FAM8A1: variants seen among roughly 807,000 people sequenced by gnomAD.
FAM8A1 encodes protein FAM8A1.
In FAM8A1, 18 loss-of-function variants were observed where a neutral mutation model predicts 38.3. The observed-to-expected ratio is 0.47, with a 90% CI of 0.33 to 0.70. The LOEUF is 0.70. Ranked by LOEUF, FAM8A1 falls within the 30% of genes least tolerant of loss-of-function variation. The pLI is 0.03. For synonymous variants in FAM8A1, 246 were observed against 234.4 expected (o/e 1.05, Z -0.45); for missense variants, 559 against 559.6 (o/e 1.00, Z 0.01).
chr6:17,607,841 A>G (rs1764078709), intron 4 of FAM8A1, among the ~76,000 whole-genome samples: 1 of 152,204 alleles, frequency 6.6e-6, no homozygotes, highest in Admixed American at 6.5e-5. Context: ...AAATGGGACT[A>G]CAGTAAGCAT....
intron 1 of FAM8A1, 140 bp downstream of exon 1, chr6:17,601,261 G>A: frequency 8.4e-7 from 1 of 1,186,726 alleles, no homozygotes; most frequent in Non-Finnish European, 1.1e-6. Context: ...ACTAGCTATC[G>A]TTTGTCCAGG....
chr6:17,600,623 G>A lies in FAM8A1; in HGVS notation c.214G>A (p.Glu72Lys), dbSNP rs939323780. The A allele has an allele frequency of 6.6e-7, 1 of 1,514,326 alleles. No homozygotes were observed. Among genetic ancestry groups the A allele is most frequent in the East Asian group, 2.8e-5 (1 of 36,272 alleles). 93.8% of individuals were successfully genotyped at this position (1,514,326 alleles called of 1,614,324 possible). A position where few individuals can be genotyped will look rare whatever the true frequency, so the allele number is the denominator to read the frequency against. ...AAADKLEPPR[E>K]LRKRGEAASG... is the part of the protein sequence containing the mutation. Reference sequence around the variant, plus strand: ...AGCCGACAAATTGGAGCCGCCGCGCGAGCTCAGGAAGCGCGGGGAGGCGGC... The same window carrying A: ...AGCCGACAAATTGGAGCCGCCGCGCAAGCTCAGGAAGCGCGGGGAGGCGGC... The change falls in exon 1 of 5, where the codon GAG (glutamate) becomes AAG (lysine). Residue 72 changes from glutamate (E) to lysine (K), a missense_variant. Glu to Lys is a moderately conservative substitution (Grantham distance 56). This residue lies in a region of FAM8A1 where 393 missense variants were observed against 338.9 expected (regional missense o/e 1.16). Coordinates refer to ENST00000259963, the MANE Select transcript of FAM8A1 (RefSeq NM_016255.3).
At chr6:17,605,366 C>T (rs1764038860) in intron 3 of FAM8A1, among the ~76,000 whole-genome samples, 1 of 152,214 alleles carries the variant, frequency 6.6e-6, no homozygotes, top group African/African-American at 2.4e-5. Context: ...AGGCATGAGC[C>T]ACTGCACCTA....
At chr6:17,601,183 A>G in intron 1 of FAM8A1, 62 bp downstream of exon 1, 1 of 1,529,168 alleles carries the variant, frequency 6.5e-7, no homozygotes. Context: ...TGTGGGGTAG[A>G]GCTGGCACGC....
rs982619254 is a variant in FAM8A1, at chr6:17,610,752, A to G, written c.*2413A>G. Reference sequence around the variant, plus strand: ...TTGTCTTCATTGTACAAACATATTCATCACTTTAACAATAAGGGAACAAAA... The same window carrying G: ...TTGTCTTCATTGTACAAACATATTCGTCACTTTAACAATAAGGGAACAAAA... On this transcript the variant is annotated 3_prime_UTR_variant, in exon 5 of 5. Coordinates refer to ENST00000259963, the MANE Select transcript of FAM8A1 (RefSeq NM_016255.3). 3.3e-5 allele frequency: 5 copies of G among 152,296 alleles called. No homozygotes were observed. The highest frequency in any genetic ancestry group is 1.2e-4 in the African/African-American group (5 of 41,572). 9.4% of individuals were successfully genotyped at this position (152,296 alleles called of 1,614,324 possible). A position where few individuals can be genotyped will look rare whatever the true frequency, so the allele number is the denominator to read the frequency against.
chr6:17,608,412 C>T lies in FAM8A1; in HGVS notation c.*73C>T. On this transcript the variant is annotated 3_prime_UTR_variant, in exon 5 of 5. Transcript: ENST00000259963. The stretch of plus-strand genomic sequence containing the variant: ...CAAGGCCATCAGTATCCCTGGGTTA[C>T]ACTAATTGATGATTTAGAAATTAAA... 2 of 1,489,496 alleles carry T rather than the reference C, an allele frequency of 1.3e-6. No individual in the cohort carries two copies. The highest frequency in any genetic ancestry group is 1.4e-5 in the South Asian group (1 of 73,516). The allele number at this position is 1,489,496 out of a possible 1,614,324, so 92.3% of individuals were successfully genotyped here.
At position 17,610,871 on chromosome 6, in the gene FAM8A1, C is replaced by T. The variant is rs1764132370; in HGVS notation, c.*2532C>T. Reference sequence around the variant, plus strand: ...GTTAATTTAGGCGTCTAGAAAATCTCAGTTCCCACCAGTAAAATTATCCTG... The same window carrying T: ...GTTAATTTAGGCGTCTAGAAAATCTTAGTTCCCACCAGTAAAATTATCCTG... On this transcript the variant is annotated 3_prime_UTR_variant, in exon 5 of 5. Transcript: ENST00000259963. 6.6e-6 allele frequency: 1 copy of T among 152,068 alleles called. No homozygotes were observed. Among genetic ancestry groups the T allele is most frequent in the South Asian group, 2.1e-4 (1 of 4,826 alleles). 9.4% of individuals were successfully genotyped at this position (152,068 alleles called of 1,614,324 possible).
chr6:17,610,982 T>TAG lies in FAM8A1; in HGVS notation c.*2645_*2646dup, dbSNP rs1196487011. The TAG allele has an allele frequency of 1.3e-5, 2 of 152,156 alleles. No homozygotes were observed. Among genetic ancestry groups the TAG allele is most frequent in the African/African-American group, 4.8e-5 (2 of 41,444 alleles). The allele number at this position is 152,156 out of a possible 1,614,324, so 9.4% of individuals were successfully genotyped here. On this transcript the variant is annotated 3_prime_UTR_variant, in exon 5 of 5. Transcript: ENST00000259963. ...CCAAGAGCTGGGTAAGCCTTACCTTTAGACTACTCTGTGACTACAGAAATA... is the reference window on the plus strand; with the variant it reads ...CCAAGAGCTGGGTAAGCCTTACCTTTAGAGACTACTCTGTGACTACAGAAATA...
chr6:17,605,401 C>T (rs1764039144), intron 3 of FAM8A1, among the ~76,000 whole-genome samples: 1 of 152,166 alleles, frequency 6.6e-6, no homozygotes, highest in Non-Finnish European at 1.5e-5. Flanking sequence ...TTTAGATTAT[C>T]AGCCCAAGAC....
rs1764128686 is a variant in FAM8A1, at chr6:17,610,662, C to T, written c.*2323C>T. The T allele has an allele frequency of 6.6e-6, 1 of 152,080 alleles. No homozygotes were observed. Among genetic ancestry groups the T allele is most frequent in the African/African-American group, 2.4e-5 (1 of 41,434 alleles). 9.4% of individuals were successfully genotyped at this position (152,080 alleles called of 1,614,324 possible). ...CACTTTATTATATTTCACTTATAGA[C>T]CTGATTTTCTGTGTCAAAGTATAAT... On this transcript the variant is annotated 3_prime_UTR_variant, in exon 5 of 5. Coordinates refer to ENST00000259963, the MANE Select transcript of FAM8A1 (RefSeq NM_016255.3).
At chr6:17,604,366 T>C (rs554380691) in intron 2 of FAM8A1, among the ~76,000 whole-genome samples, 2 of 152,308 alleles carry the variant, frequency 1.3e-5, no homozygotes, top group Admixed American at 6.5e-5. Flanking sequence ...CTCTCACATT[T>C]AGTATATGAG....
At position 17,608,495 on chromosome 6, in the gene FAM8A1, G is replaced by A. The variant is rs1363201109; in HGVS notation, c.*156G>A. On this transcript the variant is annotated 3_prime_UTR_variant, in exon 5 of 5. Coordinates refer to ENST00000259963, the MANE Select transcript of FAM8A1 (RefSeq NM_016255.3). ...CTGAAAGTATTGATTATACTTGAATGCCAAAGAACTTGTCCAGAAGAAAAA... is the reference window on the plus strand; with the variant it reads ...CTGAAAGTATTGATTATACTTGAATACCAAAGAACTTGTCCAGAAGAAAAA... The A allele has an allele frequency of 2.8e-5, 20 of 722,064 alleles. No homozygotes were observed. The East Asian group carries it at 5.8e-4, about 21-fold the overall frequency. The allele number at this position is 722,064 out of a possible 1,614,324, so 44.7% of individuals were successfully genotyped here.
Position 17,611,094 on chromosome 6 carries a change from A to ATAGT in FAM8A1, c.*2758_*2761dup, listed in dbSNP as rs1413769782. 6.6e-6 allele frequency: 1 copy of ATAGT among 152,168 alleles called. No individual in the cohort carries two copies. Among genetic ancestry groups the ATAGT allele is most frequent in the Non-Finnish European group, 1.5e-5 (1 of 68,024 alleles). The allele number at this position is 152,168 out of a possible 1,614,324, so 9.4% of individuals were successfully genotyped here. ...ACTGAACTTTGCTCCCACTGGTTTA[A>ATAGT]TAGTTACTTATTTCTGCCTAAGCAC... On this transcript the variant is annotated 3_prime_UTR_variant, in exon 5 of 5. Transcript: ENST00000259963.
rs1346249472 is a variant in FAM8A1 at position 17,611,212 on chromosome 6, T to C, written c.*2873T>C. The C allele has an allele frequency of 6.6e-6, 1 of 152,230 alleles. No individual in the cohort carries two copies. The highest frequency in any genetic ancestry group is 1.5e-5 in the Non-Finnish European group (1 of 68,014). 9.4% of individuals were successfully genotyped at this position (152,230 alleles called of 1,614,324 possible). On this transcript the variant is annotated 3_prime_UTR_variant, in exon 5 of 5. Coordinates refer to ENST00000259963, the MANE Select transcript of FAM8A1 (RefSeq NM_016255.3). ...TCGCCCAAATTACAAAATGAGTGTT[T>C]TTAGATTCAAGTGACAGTAAAAGGA...
intron 1 of FAM8A1, among the ~76,000 whole-genome samples, chr6:17,601,395 A>G (rs1351605406): frequency 1.3e-5 from 2 of 152,216 alleles, no homozygotes; most frequent in African/African-American, 2.4e-5. Context: ...TTGCTCTTCA[A>G]ACCATCCTCT....
chr6:17,600,488 T>C lies in FAM8A1; in HGVS notation c.79T>C (p.Ser27Pro). The change falls in exon 1 of 5, where the codon TCC becomes CCC. Residue 27 changes from serine (S) to proline (P), a missense_variant. Ser to Pro is a moderately conservative substitution (Grantham distance 74, BLOSUM62 -1). Coordinates refer to ENST00000259963, the MANE Select transcript of FAM8A1 (RefSeq NM_016255.3). ...DGGGDHEPVP[S>P]LRGPPTTAVP... ...CGGAGGGGACCACGAGCCCGTCCCT[T>C]CCCTGAGAGGCCCTCCTACCACCGC... is the stretch of plus-strand genomic sequence containing the variant. 1 of 1,530,830 alleles carries C rather than the reference T, an allele frequency of 6.5e-7. No individual in the cohort carries two copies. The highest frequency in any genetic ancestry group is 8.7e-7 in the Non-Finnish European group (1 of 1,143,250). The allele number at this position is 1,530,830 out of a possible 1,614,324, so 94.8% of individuals were successfully genotyped here.
chr6:17,604,675 G>A (rs746460142), intron 2 of FAM8A1, among the ~76,000 whole-genome samples: 6 of 152,006 alleles, frequency 3.9e-5, no homozygotes, highest in African/African-American at 7.3e-5. Context: ...AGCAGGGACC[G>A]TGTAAATTCA....
rs530860346 is a variant in FAM8A1 at position 17,608,006 on chromosome 6, C to T, written c.1098-189C>T. 2.2e-4 allele frequency among the ~76,000 whole-genome samples: 34 copies of T among 152,328 alleles called. 1 individual carries two copies. The South Asian group carries it at 5.8e-3, about 26-fold the overall frequency. ...TAGCCCAGGTGGTTTGATCATGATACAGTGCTACTTGAAAATATATCAAAG... is the reference window on the plus strand; with the variant it reads ...TAGCCCAGGTGGTTTGATCATGATATAGTGCTACTTGAAAATATATCAAAG... On this transcript the variant is annotated intron_variant, in intron 4 of 4. Transcript: ENST00000259963.
At chr6:17,603,046 C>CTT (rs1764008398) in intron 2 of FAM8A1, among the ~76,000 whole-genome samples, 1 of 152,192 alleles carries the variant, frequency 6.6e-6, no homozygotes, top group Non-Finnish European at 1.5e-5. Flanking sequence ...CTCTTGCTAT[C>CTT]TTGTGGAGTC....
Sources: allele counts gnomAD v4.1 joint callset (sites outside exome capture counted in the v4.1 genomes callset), GRCh38; gene constraint gnomAD v4.1.1; regional missense constraint gnomAD v4.1.1; transcripts MANE v1.5; gene names NCBI Gene and HGNC (gene_info 2026-07-23, HGNC 2026-07-21).